The following WDFY3 variants were observed in gnomAD, a reference collection of about 807,000 sequenced individuals.
WDFY3 encodes WD repeat and FYVE domain containing 3.
WDFY3 carries 66 observed loss-of-function variants against 409.6 expected under a neutral mutation model. The ratio of observed to expected loss-of-function variants is 0.16; its 90% confidence interval spans 0.13 to 0.20. The LOEUF (loss-of-function observed/expected upper bound fraction) is 0.20. Among genes scored for constraint, WDFY3 ranks in the 10% least tolerant of loss-of-function variants. The probability of loss-of-function intolerance (pLI) is 1.00; values close to 1 mark genes in which losing one functional copy is unlikely to be tolerated. For missense variants in WDFY3, 3,031 were observed against 4,298.1 expected, an observed-to-expected ratio of 0.71 and a Z score of 8.24; for synonymous variants, 1,521 against 1,537.1, an observed-to-expected ratio of 0.99 and a Z score of 0.25.
intron 3 of WDFY3, among the ~76,000 whole-genome samples, chr4:84,870,413 C>T (rs1761985255): frequency 6.6e-6 from 1 of 152,142 alleles, no homozygotes; most frequent in African/African-American, 2.4e-5. Flanking sequence ...CAGCCATGAA[C>T]TGGTAGGAAC....
At chr4:84,681,369 G>A (rs981245952) in intron 64 of WDFY3, among the ~76,000 whole-genome samples, 5 of 152,014 alleles carry the variant, frequency 3.3e-5, no homozygotes, top group Admixed American at 6.6e-5. Context: ...CATATAACAG[G>A]TAACCCCCAA....
intron 2 of WDFY3, among the ~76,000 whole-genome samples, chr4:84,905,260 C>T (rs1347794037): frequency 3.3e-5 from 5 of 152,200 alleles, no homozygotes; most frequent in African/African-American, 9.7e-5. Context: ...AGCTTGAACT[C>T]GGGAGGTGGA....
At position 84,677,245 on chromosome 4, in the gene WDFY3, C is replaced by A. The variant is rs2148728221; in HGVS notation, c.10411G>T (p.Glu3471Ter). 6.2e-7 allele frequency: 1 copy of A among 1,614,222 alleles called. No homozygotes were observed. The highest frequency in any genetic ancestry group is 1.3e-5 in the African/African-American group (1 of 75,048). The stretch of plus-strand genomic sequence containing the variant: ...CAGTTCCTGCAATGGTGTCGTCTTT[C>A]TGTGAGTGAAAACCTCACCGAGCAG... Reference protein sequence around the residue: ...SGCSVRFSLTERRHHCRNCGQ... With the variant: ...SGCSVRFSLT Residue 3471 changes from glutamate (E) to a stop codon, truncating the protein, a stop_gained, in exon 67 of 68, where the codon GAA becomes TAA. Coordinates refer to ENST00000295888, the MANE Select transcript of WDFY3 (RefSeq NM_014991.6). LOFTEE classifies it high-confidence loss of function.
At chr4:84,936,081 GA>G (rs1425951481) in intron 1 of WDFY3, among the ~76,000 whole-genome samples, 1 of 152,134 alleles carries the variant, frequency 6.6e-6, no homozygotes. Flanking sequence ...ACTAAATTTT[GA>G]AATTAAACTG....
intron 49 of WDFY3, among the ~76,000 whole-genome samples, chr4:84,716,469 T>C (rs1238170176): frequency 1.4e-5 from 2 of 142,634 alleles, no homozygotes; most frequent in African/African-American, 2.6e-5. Context: ...GCAGATCCTA[T>C]TGAGGGTTTC....
intron 36 of WDFY3, chr4:84,751,263 T>C (rs1740467872): frequency 1.7e-6 from 1 of 579,368 alleles, no homozygotes; most frequent in Non-Finnish European, 3.0e-6. Flanking sequence ...GAAAGGATGA[T>C]AAAGGACTGA....
chr4:84,896,857 GTGA>G (rs1765708217), intron 3 of WDFY3, 51 bp downstream of exon 3: 1 of 152,078 alleles, frequency 6.6e-6, no homozygotes, highest in Non-Finnish European at 1.5e-5. Flanking sequence ...AATAAATCCA[GTGA>G]TAGTAAAGAT....
chr4:84,679,313 A>AT (rs1231896835), intron 64 of WDFY3, 71 bp from the exon 65 acceptor site: 33 of 1,394,446 alleles, frequency 2.4e-5, no homozygotes, highest in South Asian at 5.1e-5. Flanking sequence ...TTCTGCTAGT[A>AT]TTTTTTTTCT....
chr4:84,697,401 C>T (rs968905627), intron 56 of WDFY3, among the ~76,000 whole-genome samples: 2 of 152,132 alleles, frequency 1.3e-5, no homozygotes, highest in Non-Finnish European at 2.9e-5. Flanking sequence ...AATGACGTAA[C>T]TTTTTGCTGT....
intron 36 of WDFY3, among the ~76,000 whole-genome samples, chr4:84,748,108 G>A (rs1739819401): frequency 6.6e-6 from 1 of 151,952 alleles, no homozygotes; most frequent in South Asian, 2.1e-4. Flanking sequence ...GTATTTATTT[G>A]CAGCAAATTC....
intron 3 of WDFY3, chr4:84,886,531 T>A (rs1764251154): frequency 6.6e-6 from 1 of 152,100 alleles, no homozygotes; most frequent in African/African-American, 2.4e-5. Context: ...TAGCTATTTA[T>A]CATCAACACA....
chr4:84,797,008 T>C (rs1184241548), intron 18 of WDFY3, among the ~76,000 whole-genome samples: 1 of 152,184 alleles, frequency 6.6e-6, no homozygotes, highest in Non-Finnish European at 1.5e-5. Context: ...TCTCAAATAA[T>C]TGTCATCAAA....
intron 57 of WDFY3, 128 bp from the exon 58 acceptor site, chr4:84,696,310 C>A: frequency 1.2e-6 from 1 of 827,416 alleles, no homozygotes. Flanking sequence ...ATAGTATTCC[C>A]CTCTTATTTG....
Position 84,696,840 on chromosome 4 carries a change from A to G in WDFY3, c.8597-17T>C. 2 of 1,598,078 alleles carry G rather than the reference A, an allele frequency of 1.3e-6. No homozygotes were observed. The highest frequency in any genetic ancestry group is 1.7e-6 in the Non-Finnish European group (2 of 1,168,848). Reference sequence around the variant, plus strand: ...GTTTACAGCCTATGCAATTGGATACATTAAAAATAAAAAAAAAGAAAGAAT... The same window carrying G: ...GTTTACAGCCTATGCAATTGGATACGTTAAAAATAAAAAAAAAGAAAGAAT... On this transcript the variant is annotated splice_polypyrimidine_tract_variant and intron_variant, in intron 56 of 67. Transcript: ENST00000295888.
At chr4:84,791,796 T>C (rs772739437) in intron 21 of WDFY3, among the ~76,000 whole-genome samples, 1 of 152,224 alleles carries the variant, frequency 6.6e-6, no homozygotes, top group Non-Finnish European at 1.5e-5. Flanking sequence ...AAATATATTC[T>C]GATTTGCTAC....
At chr4:84,695,798 C>T (rs1730046614) in intron 58 of WDFY3, among the ~76,000 whole-genome samples, 172 bp downstream of exon 58, 1 of 152,068 alleles carries the variant, frequency 6.6e-6, no homozygotes, top group Non-Finnish European at 1.5e-5. Context: ...TTTATCTGGA[C>T]TGTGAGAGTG....
chr4:84,914,281 CGTGGTGGCAG>C (rs1768174107), intron 2 of WDFY3, among the ~76,000 whole-genome samples: 1 of 151,872 alleles, frequency 6.6e-6, no homozygotes, highest in African/African-American at 2.4e-5. Context: ...ATTAGCTGGG[CGTGGTGGCAG>C]GTGCCTATAA....
Position 84,721,629 on chromosome 4 carries a change from A to C in WDFY3, c.7442-57T>G, listed in dbSNP as rs1318460217. ...CATTGTAAGGACCTTGTGGGGAAGC[A>C]GTTTAGTCTCATGTAGTTCCTTCTA... On this transcript the variant is annotated intron_variant, in intron 46 of 67. Coordinates refer to ENST00000295888, the MANE Select transcript of WDFY3 (RefSeq NM_014991.6). 3.2e-6 allele frequency: 5 copies of C among 1,582,994 alleles called. No individual in the cohort carries two copies. In the East Asian group the frequency reaches 9.0e-5, roughly 28 times the overall value.
intron 44 of WDFY3, among the ~76,000 whole-genome samples, chr4:84,730,016 A>C (rs115929179): frequency 6.6e-6 from 1 of 152,270 alleles, no homozygotes; most frequent in Non-Finnish European, 1.5e-5. Context: ...GAACTGATTG[A>C]TCTCTAACTC....
Sources: allele counts gnomAD v4.1 joint callset (sites outside exome capture counted in the v4.1 genomes callset), GRCh38; gene constraint gnomAD v4.1.1; transcripts MANE v1.5; gene names NCBI Gene and HGNC (gene_info 2026-07-23, HGNC 2026-07-21).